Variants in MTMR7 observed in about 807,000 individuals in gnomAD.
MTMR7 encodes phosphatidylinositol-3-phosphate phosphatase MTMR7.
In MTMR7, 76 loss-of-function variants were observed where a neutral mutation model predicts 81.2. The ratio of observed to expected loss-of-function variants is 0.94; its 90% CI spans 0.78 to 1.13. MTMR7 has a LOEUF of 1.13. Among genes scored for constraint, MTMR7 ranks in the 50% most tolerant of loss-of-function variants. The pLI is 0.00. For synonymous variants in MTMR7, 372 were observed against 289.8 expected, an observed-to-expected ratio of 1.28 and a Z score of -2.88; for missense variants, 1,044 against 820.0, an observed-to-expected ratio of 1.27 and a Z score of -3.34.
rs140578144 is a variant in MTMR7 at position 17,361,174 on chromosome 8, C to T, written c.411G>A (p.Thr137=). ...AGTAATGATTAGGGAGGCCCATCCG[C>T]GTGTATTCTTCACTAAGATCGATCA... ...WVLIDLSEEY[T]RMGLPNHYWQ... The change falls in exon 4 of 14, where the codon ACG becomes ACA. Residue 137 remains threonine (T), a synonymous_variant. Transcript: ENST00000180173. The T allele has an allele frequency of 6.2e-6, 10 of 1,614,140 alleles. No homozygotes were observed. Among genetic ancestry groups the T allele is most frequent in the Admixed American group, 5.0e-5 (3 of 60,008 alleles).
intron 4 of MTMR7, among the ~76,000 whole-genome samples, chr8:17,357,074 G>C (rs554478620): frequency 1.3e-4 from 20 of 150,072 alleles, no homozygotes; most frequent in African/African-American, 4.8e-4. Context: ...AAGAAAAAAA[G>C]AAAGAAAGAG....
chr8:17,330,607 T>C (rs568389695), intron 7 of MTMR7, among the ~76,000 whole-genome samples: 1 of 152,344 alleles, frequency 6.6e-6, no homozygotes, highest in East Asian at 1.9e-4. Flanking sequence ...CACACGAGTA[T>C]ATAAGTCTGT....
intron 1 of MTMR7, among the ~76,000 whole-genome samples, chr8:17,383,224 C>A (rs986554030): frequency 6.6e-6 from 1 of 152,138 alleles, no homozygotes; most frequent in Admixed American, 6.5e-5. Flanking sequence ...CAAATCCAGG[C>A]AATCCAGGAT....
intron 2 of MTMR7, chr8:17,372,879 T>A (rs2150566305): frequency 4.8e-6 from 2 of 417,018 alleles, no homozygotes; most frequent in Admixed American, 7.9e-5. Flanking sequence ...CACTTGTATC[T>A]TCTGGCTAGT....
intron 1 of MTMR7, among the ~76,000 whole-genome samples, chr8:17,393,845 G>A (rs376179075): frequency 4.0e-4 from 61 of 151,846 alleles, no homozygotes; most frequent in African/African-American, 1.4e-3. Context: ...ATGTAACCTG[G>A]GACTTAACAC....
intron 6 of MTMR7, among the ~76,000 whole-genome samples, chr8:17,331,960 T>G (rs566449373): frequency 6.6e-6 from 1 of 152,218 alleles, no homozygotes; most frequent in Admixed American, 6.5e-5. Context: ...AAGTGCAAAC[T>G]AGGTTAAGTC....
intron 1 of MTMR7, among the ~76,000 whole-genome samples, chr8:17,403,780 C>A (rs1230365219): frequency 6.6e-6 from 1 of 151,620 alleles, no homozygotes; most frequent in Non-Finnish European, 1.5e-5. Flanking sequence ...TTTTATAGAT[C>A]TTTTACTTCT....
intron 1 of MTMR7, among the ~76,000 whole-genome samples, chr8:17,374,607 G>T (rs527377930): frequency 6.6e-6 from 1 of 151,704 alleles, no homozygotes. Context: ...GCGACAGAGT[G>T]AGACTCCATC....
rs192340336 is a variant in MTMR7, at chr8:17,365,195, G to C, written c.311-3921C>G. Among the ~76,000 whole-genome samples the C allele has an allele frequency of 2.0e-3, 308 of 152,272 alleles. 1 individual carries two copies. The highest frequency in any genetic ancestry group is 4.1e-3 in the Admixed American group (63 of 15,296). ...AGGTTGAGCGTTTGTTCATGTATCT[G>C]TTAGCCATCTATGTCTTCTTTTGAG... is the stretch of plus-strand genomic sequence containing the variant. On this transcript the variant is annotated intron_variant, in intron 3 of 13. Coordinates refer to ENST00000180173, the MANE Select transcript of MTMR7 (RefSeq NM_004686.5).
intron 1 of MTMR7, among the ~76,000 whole-genome samples, chr8:17,410,354 A>G (rs2150590117): frequency 6.6e-6 from 1 of 152,338 alleles, no homozygotes; most frequent in African/African-American, 2.4e-5. Context: ...GCCTCAATCT[A>G]GTACCAAACT....
At chr8:17,391,407 A>G (rs1333599696) in intron 1 of MTMR7, among the ~76,000 whole-genome samples, 2 of 152,168 alleles carry the variant, frequency 1.3e-5, no homozygotes, top group African/African-American at 2.4e-5. Context: ...TTACTAAAGA[A>G]TTTTTACAAA....
chr8:17,395,784 T>C (rs1821227869), intron 1 of MTMR7, among the ~76,000 whole-genome samples: 1 of 152,232 alleles, frequency 6.6e-6, no homozygotes, highest in African/African-American at 2.4e-5. Flanking sequence ...GGCTGTGGTG[T>C]TGCACATAAG....
intron 9 of MTMR7, 79 bp downstream of exon 9, chr8:17,311,432 G>C (rs764605962): frequency 3.7e-5 from 59 of 1,579,560 alleles, no homozygotes; most frequent in Admixed American, 5.3e-5. Flanking sequence ...GAAAACAGCA[G>C]TTGCCAGTAG....
chr8:17,309,141 AC>A, intron 10 of MTMR7, 135 bp downstream of exon 10: 1 of 634,826 alleles, frequency 1.6e-6, no homozygotes, highest in Non-Finnish European at 2.8e-6. Flanking sequence ...TATGACATAT[AC>A]AACAAAATTT....
chr8:17,322,102 G>C (rs1818420984), intron 7 of MTMR7, among the ~76,000 whole-genome samples: 1 of 149,816 alleles, frequency 6.7e-6, no homozygotes, highest in African/African-American at 2.5e-5. Flanking sequence ...GCCCTCCCTT[G>C]ATTACCAGCC....
chr8:17,352,499 A>C (rs1369890981), intron 4 of MTMR7, among the ~76,000 whole-genome samples: 4 of 152,242 alleles, frequency 2.6e-5, no homozygotes, highest in Non-Finnish European at 5.9e-5. Context: ...TTAAACTCCT[A>C]GAAAAGAACA....
chr8:17,342,030 T>C (rs1424946635), intron 5 of MTMR7, among the ~76,000 whole-genome samples: 1 of 152,144 alleles, frequency 6.6e-6, no homozygotes, highest in African/African-American at 2.4e-5. Context: ...CTGCTAGGTT[T>C]GAAACCGAAG....
rs1322907422 is a variant in MTMR7 at position 17,371,210 on chromosome 8, A to C, written c.148-11T>G. On this transcript the variant is annotated splice_polypyrimidine_tract_variant and intron_variant, in intron 2 of 13. Coordinates refer to ENST00000180173, the MANE Select transcript of MTMR7 (RefSeq NM_004686.5). ...CTGACTGTGAAGAATCTAGAACCAA[A>C]TGTTAATGTGCATAAGCTAAGCACA... 3.7e-6 allele frequency: 6 copies of C among 1,613,434 alleles called. No homozygotes were observed. Among genetic ancestry groups the C allele is most frequent in the Non-Finnish European group, 4.2e-6 (5 of 1,179,640 alleles).
chr8:17,300,161 G>T lies in MTMR7; in HGVS notation c.1684C>A (p.Pro562Thr). ...GTAGAAAACCCTGAGTGCTTGCTGG[G>T]CTCACTTTGCTTACTCTTCACCTTA... Reference protein sequence around the residue: ...CTKVKSKQSEPSKHSGFSTSD... With the variant: ...CTKVKSKQSETSKHSGFSTSD... The change falls in exon 14 of 14, where the codon CCC (proline) becomes ACC (threonine). Residue 562 changes from proline (P) to threonine (T), a missense_variant. Coordinates refer to ENST00000180173, the MANE Select transcript of MTMR7 (RefSeq NM_004686.5). 6.2e-7 allele frequency: 1 copy of T among 1,614,034 alleles called. No individual in the cohort carries two copies. Among genetic ancestry groups the T allele is most frequent in the Non-Finnish European group, 8.5e-7 (1 of 1,179,970 alleles).
Sources: allele counts gnomAD v4.1 joint callset (sites outside exome capture counted in the v4.1 genomes callset), GRCh38; gene constraint gnomAD v4.1.1; transcripts MANE v1.5; gene names NCBI Gene and HGNC (gene_info 2026-07-23, HGNC 2026-07-21).